Variants in SPAG16 observed in about 807,000 individuals in gnomAD.
SPAG16 encodes the protein sperm-associated antigen 16 protein.
SPAG16 carries 86 observed loss-of-function variants against 80.4 expected under a neutral mutation model. The ratio of observed to expected loss-of-function variants is 1.07; its 90% CI spans 0.90 to 1.28. The LOEUF (loss-of-function observed/expected upper bound fraction) is 1.28, where lower values mean the gene tolerates loss of function less well. Ranked by LOEUF, SPAG16 falls within the 50% of genes most tolerant of loss-of-function variation. The pLI is 0.00. For synonymous variants in SPAG16, 294 were observed against 265.9 expected (o/e 1.11, Z -1.03); for missense variants, 870 against 765.3 (o/e 1.14, Z -1.61).
chr2:214,287,585 GTAT>G lies in SPAG16; in HGVS notation c.1721-122550_1721-122548del, dbSNP rs145392103. Reference sequence around the variant, plus strand: ...TTCATCTGCTCATCTATTTGAGGCAGTATTATTTTTTTGAGTTTCAATATCTTA... The same window carrying G: ...TTCATCTGCTCATCTATTTGAGGCAGTATTTTTTTGAGTTTCAATATCTTA... On this transcript the variant is annotated intron_variant, in intron 15 of 15. Transcript: ENST00000331683. Among the ~76,000 whole-genome samples the G allele has an allele frequency of 5.1e-3, 775 of 152,218 alleles. 5 individuals are homozygous for G. The highest frequency in any genetic ancestry group is 0.018 in the African/African-American group (733 of 41,534).
At chr2:213,515,208 G>T (rs530148392) in intron 10 of SPAG16, among the ~76,000 whole-genome samples, 4 of 152,048 alleles carry the variant, frequency 2.6e-5, no homozygotes, top group East Asian at 3.9e-4. Flanking sequence ...CAATTTAAAG[G>T]TTACTTAAAT....
chr2:214,188,675 C>T (rs1443011289), intron 15 of SPAG16, among the ~76,000 whole-genome samples: 1 of 152,112 alleles, frequency 6.6e-6, no homozygotes, highest in Non-Finnish European at 1.5e-5. Context: ...AAGTCTCTTC[C>T]TATCCTTATA....
chr2:213,314,548 A>T (rs1165729157), intron 4 of SPAG16, among the ~76,000 whole-genome samples: 1 of 151,832 alleles, frequency 6.6e-6, no homozygotes, highest in Non-Finnish European at 1.5e-5. Flanking sequence ...GCCTGAAGTC[A>T]TCTTTCATAT....
intron 10 of SPAG16, among the ~76,000 whole-genome samples, chr2:213,819,229 A>G (rs900339176): frequency 1.3e-5 from 2 of 152,206 alleles, no homozygotes; most frequent in Non-Finnish European, 2.9e-5. Context: ...CCCAATTCCA[A>G]TCAGAGAGTT....
intron 15 of SPAG16, among the ~76,000 whole-genome samples, chr2:214,389,426 G>A (rs539921681): frequency 1.3e-5 from 2 of 152,332 alleles, no homozygotes; most frequent in East Asian, 1.9e-4. Flanking sequence ...TGATTGCAAT[G>A]TATGATGGTA....
Position 213,296,092 on chromosome 2 carries a change from T to C in SPAG16, c.165T>C (p.Asp55=). ...TCACCATAACTGAAGCATCTGAAGA[T>C]GACTATGAATATGAAGAGGTAACAT... is the stretch of plus-strand genomic sequence containing the variant. ...EQVTITEASE[D]DYEYEEIPDD... Residue 55 remains aspartate (D), a synonymous_variant, in exon 2 of 16, where the codon GAT becomes GAC. Coordinates refer to ENST00000331683, the MANE Select transcript of SPAG16 (RefSeq NM_024532.5). 1 of 1,608,788 alleles carries C rather than the reference T, an allele frequency of 6.2e-7. No homozygotes were observed. The highest frequency in any genetic ancestry group is 1.3e-5 in the African/African-American group (1 of 74,952).
chr2:213,593,746 C>CTTTTTTTTT lies in SPAG16; in HGVS notation c.1070+103694_1070+103702dup, dbSNP rs541949006. On this transcript the variant is annotated intron_variant, in intron 10 of 15. Coordinates refer to ENST00000331683, the MANE Select transcript of SPAG16 (RefSeq NM_024532.5). ...TCATACCCCATCATCCCCACCACATCTTTTTTTTTTTTTTTTTTTTTTTTT... is the reference window on the plus strand; with the variant it reads ...TCATACCCCATCATCCCCACCACATCTTTTTTTTTTTTTTTTTTTTTTTTTTTTTTTTTT... 4.2e-4 allele frequency among the ~76,000 whole-genome samples: 21 copies of CTTTTTTTTT among 50,190 alleles called. 9 individuals are homozygous for CTTTTTTTTT. The highest frequency in any genetic ancestry group is 1.4e-3 in the East Asian group (2 of 1,438). 32.9% of individuals were successfully genotyped at this position (50,190 alleles called of 152,430 possible).
At chr2:213,382,396 T>C (rs190121436) in intron 9 of SPAG16, among the ~76,000 whole-genome samples, 2 of 152,258 alleles carry the variant, frequency 1.3e-5, no homozygotes, top group East Asian at 3.9e-4. Flanking sequence ...TATGTAAAAG[T>C]AGTTATCAAC....
At chr2:214,076,945 T>C (rs1308079379) in intron 13 of SPAG16, among the ~76,000 whole-genome samples, 1 of 152,106 alleles carries the variant, frequency 6.6e-6, no homozygotes, top group Non-Finnish European at 1.5e-5. Context: ...TCATCTTATA[T>C]ATGATGGACT....
intron 10 of SPAG16, among the ~76,000 whole-genome samples, chr2:213,573,295 G>A (rs1195321705): frequency 6.6e-6 from 1 of 152,164 alleles, no homozygotes; most frequent in South Asian, 2.1e-4. Flanking sequence ...AATCACCTCA[G>A]ATTTCAGTTT....
At chr2:214,036,611 TTCTCC>T (rs1467471712) in intron 13 of SPAG16, among the ~76,000 whole-genome samples, 1 of 152,346 alleles carries the variant, frequency 6.6e-6, no homozygotes, top group East Asian at 1.9e-4. Flanking sequence ...TAATTGTATT[TTCTCC>T]CTTTTTATAC....
intron 15 of SPAG16, among the ~76,000 whole-genome samples, chr2:214,207,073 AT>A (rs2058166081): frequency 6.6e-6 from 1 of 152,174 alleles, no homozygotes; most frequent in Non-Finnish European, 1.5e-5. Context: ...TTGCCAGAAC[AT>A]TTAATCCTTC....
At chr2:213,504,537 A>G (rs2074881689) in intron 10 of SPAG16, among the ~76,000 whole-genome samples, 2 of 152,136 alleles carry the variant, frequency 1.3e-5, no homozygotes, top group Non-Finnish European at 2.9e-5. Flanking sequence ...ATGCCTAGTA[A>G]ACAAAAATAT....
At chr2:213,833,548 A>ATT (rs374240295) in intron 10 of SPAG16, among the ~76,000 whole-genome samples, 344 of 782 alleles carry the variant, frequency 0.44, 128 homozygotes, top group East Asian at 1. Context: ...TAATATATAT[A>ATT]ATATATATAA....
chr2:213,473,203 C>T (rs954995486), intron 9 of SPAG16, among the ~76,000 whole-genome samples: 1 of 152,224 alleles, frequency 6.6e-6, no homozygotes, highest in Non-Finnish European at 1.5e-5. Flanking sequence ...TAGAGCTCTA[C>T]TTGAGTCAGA....
At chr2:214,075,246 C>CT (rs2051014734) in intron 13 of SPAG16, among the ~76,000 whole-genome samples, 1 of 151,526 alleles carries the variant, frequency 6.6e-6, no homozygotes, top group African/African-American at 2.4e-5. Flanking sequence ...TCTATCTTCT[C>CT]TTTCAGTAAT....
At chr2:214,130,229 C>T (rs574491512) in intron 14 of SPAG16, among the ~76,000 whole-genome samples, 2 of 152,250 alleles carry the variant, frequency 1.3e-5, no homozygotes, top group South Asian at 2.1e-4. Flanking sequence ...GTTTGAGGGT[C>T]GTGGCCACAG....
intron 4 of SPAG16, among the ~76,000 whole-genome samples, chr2:213,316,236 G>T (rs13424760): frequency 0.22 from 32,885 of 151,806 alleles, 4,402 homozygotes; most frequent in Non-Finnish European, 0.31. Flanking sequence ...CTGTTGCTCA[G>T]CCAAAAACCC....
At chr2:214,329,092 G>T (rs180750538) in intron 15 of SPAG16, among the ~76,000 whole-genome samples, 1 of 152,338 alleles carries the variant, frequency 6.6e-6, no homozygotes, top group Admixed American at 6.5e-5. Context: ...GCCAATCTGT[G>T]ACGCAAAAAC....
Sources: allele counts gnomAD v4.1 joint callset (sites outside exome capture counted in the v4.1 genomes callset), GRCh38; gene constraint gnomAD v4.1.1; transcripts MANE v1.5; gene names NCBI Gene and HGNC (gene_info 2026-07-23, HGNC 2026-07-21).